The following REPS1 variants were observed in gnomAD, a reference collection of about 807,000 sequenced individuals.
The protein encoded by REPS1 is RALBP1 associated Eps domain containing 1.
Under a neutral mutation model 100.9 loss-of-function variants are expected in REPS1, and 39 were observed. That is an observed-to-expected ratio of 0.39 (90% CI 0.30 to 0.50). REPS1 has a LOEUF of 0.50. Among genes scored for constraint, REPS1 ranks in the 20% least tolerant of loss-of-function variants. REPS1 has a pLI of 0.86. For synonymous variants in REPS1, 324 were observed against 340.3 expected (o/e 0.95, Z 0.53); for missense variants, 821 against 968.5 (o/e 0.85, Z 2.02).
chr6:138,929,642 T>C lies in REPS1; in HGVS notation c.1257+335A>G, dbSNP rs545586775. ...ACAGTGGATGTGGCAGTTGACTAGA[T>C]ATCAAAGGACTTACGTTCAAATCCT... On this transcript the variant is annotated intron_variant, in intron 9 of 19. Coordinates refer to ENST00000450536, the MANE Select transcript of REPS1 (RefSeq NM_001286611.2). The C allele has an allele frequency of 2.7e-5, 5 of 185,502 alleles. No homozygotes were observed. In the East Asian group the frequency reaches 6.5e-4, roughly 24 times the overall value. 11.5% of individuals were successfully genotyped at this position (185,502 alleles called of 1,614,324 possible). A position where few individuals can be genotyped will look rare whatever the true frequency, so the allele number is the denominator to read the frequency against.
At chr6:138,984,857 T>C (rs557011925) in intron 1 of REPS1, among the ~76,000 whole-genome samples, 36 of 152,172 alleles carry the variant, frequency 2.4e-4, no homozygotes, top group Non-Finnish European at 4.4e-4. Context: ...TTAAACATTA[T>C]TCCACAAAGC....
chr6:138,912,700 G>GTTGACACAACATGGTA (rs1780087905), intron 16 of REPS1, 65 bp downstream of exon 16: 1 of 1,479,540 alleles, frequency 6.8e-7, no homozygotes, highest in Non-Finnish European at 9.5e-7. Context: ...TATCTGCTCT[G>GTTGACACAACATGGTA]TTGACACAAC....
intron 10 of REPS1, among the ~76,000 whole-genome samples, chr6:138,925,775 T>C (rs963082816): frequency 3.3e-5 from 5 of 152,086 alleles, no homozygotes; most frequent in African/African-American, 9.7e-5. Context: ...GTGTAGCATA[T>C]ATTAAATTAA....
At chr6:138,957,988 A>G (rs1326139860) in intron 1 of REPS1, among the ~76,000 whole-genome samples, 3 of 152,220 alleles carry the variant, frequency 2.0e-5, no homozygotes, top group African/African-American at 7.2e-5. Context: ...GAGTGGGAGA[A>G]GTATAAGAAA....
chr6:138,950,178 T>C (rs6570296), intron 1 of REPS1, among the ~76,000 whole-genome samples: 33,432 of 152,044 alleles, frequency 0.22, 4,233 homozygotes, highest in South Asian at 0.35. Flanking sequence ...TCCTCCTCAA[T>C]AGTTAACTAT....
chr6:138,965,542 G>A (rs138293333), intron 1 of REPS1, among the ~76,000 whole-genome samples: 23 of 152,170 alleles, frequency 1.5e-4, no homozygotes, highest in African/African-American at 5.1e-4. Context: ...GATCACTATC[G>A]TATACTTAGG....
intron 9 of REPS1, chr6:138,929,415 G>C (rs1480139357): frequency 6.6e-6 from 1 of 152,204 alleles, no homozygotes; most frequent in Non-Finnish European, 1.5e-5. Context: ...ACTGTGCTTG[G>C]TCATATATGA....
intron 2 of REPS1, 38 bp downstream of exon 2, chr6:138,947,752 C>T: frequency 6.9e-7 from 1 of 1,438,872 alleles, no homozygotes. Flanking sequence ...GTAATAGAAG[C>T]CTATTTTCTT....
At chr6:138,926,930 T>C (rs1216478291) in intron 9 of REPS1, 5 of 156,788 alleles carry the variant, frequency 3.2e-5, no homozygotes, top group African/African-American at 1.2e-4. Flanking sequence ...ACAAAGCAAG[T>C]CAGTGCGACT....
chr6:138,978,998 T>C (rs1412687248), intron 1 of REPS1, among the ~76,000 whole-genome samples: 2 of 151,874 alleles, frequency 1.3e-5, no homozygotes, highest in African/African-American at 4.8e-5. Context: ...CTGGCCAACA[T>C]GGTGAAACCC....
intron 1 of REPS1, among the ~76,000 whole-genome samples, chr6:138,968,552 C>T (rs1562562175): frequency 1.3e-5 from 2 of 152,092 alleles, no homozygotes; most frequent in Non-Finnish European, 2.9e-5. Flanking sequence ...CCTTGCATAC[C>T]ACCTTCACAA....
chr6:138,926,537 C>G, intron 9 of REPS1, 56 bp from the exon 10 acceptor site: 1 of 1,239,404 alleles, frequency 8.1e-7, no homozygotes, highest in Non-Finnish European at 1.2e-6. Flanking sequence ...AGTAAAAGAT[C>G]ACTGGAGAAG....
intron 8 of REPS1, among the ~76,000 whole-genome samples, chr6:138,937,927 T>G (rs1413187932): frequency 6.6e-6 from 1 of 152,014 alleles, no homozygotes; most frequent in Admixed American, 6.6e-5. Context: ...AAATTGCAAC[T>G]GTGCTTTGCA....
rs1170566689 is a variant in REPS1 at position 138,912,882 on chromosome 6, A to C, written c.1854T>G (p.Pro618=). The part of the protein sequence containing the change: ...DGLITHTSTS[P]QQIPEQPNFA... ...AATTTGGTTGCTCTGGTATCTGCTG[A>C]GGTGAGGTACTAGTGTGAGTTATGA... The change falls in exon 16 of 20, where the codon CCT becomes CCG. Residue 618 remains proline (P), a synonymous_variant. Coordinates refer to ENST00000450536, the MANE Select transcript of REPS1 (RefSeq NM_001286611.2). The C allele has an allele frequency of 6.2e-7, 1 of 1,614,120 alleles. No homozygotes were observed. The highest frequency in any genetic ancestry group is 8.5e-7 in the Non-Finnish European group (1 of 1,179,994).
intron 2 of REPS1, among the ~76,000 whole-genome samples, chr6:138,947,365 C>A (rs879797545): frequency 1.9e-4 from 29 of 151,966 alleles, no homozygotes; most frequent in Admixed American, 1.4e-3. Flanking sequence ...GAAGCCTCCA[C>A]AGCCTTCCCA....
At chr6:138,976,850 T>C (rs1032634386) in intron 1 of REPS1, among the ~76,000 whole-genome samples, 1 of 152,242 alleles carries the variant, frequency 6.6e-6, no homozygotes, top group African/African-American at 2.4e-5. Context: ...TCAGTTCTAA[T>C]GAATCTTGGA....
chr6:138,905,352 C>A (rs62440952), intron 19 of REPS1, among the ~76,000 whole-genome samples: 161 of 152,218 alleles, frequency 1.1e-3, no homozygotes, highest in African/African-American at 3.7e-3. Flanking sequence ...ACTGCAATGG[C>A]GCAATCTCGG....
chr6:138,916,019 C>T, intron 13 of REPS1, 43 bp from the exon 14 acceptor site: 1 of 1,399,450 alleles, frequency 7.1e-7, no homozygotes, highest in Non-Finnish European at 1.0e-6. Flanking sequence ...CTACTGATAT[C>T]AGAGCTTTTT....
At chr6:138,974,966 G>C (rs1246283451) in intron 1 of REPS1, among the ~76,000 whole-genome samples, 1 of 151,756 alleles carries the variant, frequency 6.6e-6, no homozygotes, top group East Asian at 1.9e-4. Context: ...CCACACTCCA[G>C]CCTGGGTGAC....
Sources: allele counts gnomAD v4.1 joint callset (sites outside exome capture counted in the v4.1 genomes callset), GRCh38; gene constraint gnomAD v4.1.1; transcripts MANE v1.5; gene names NCBI Gene and HGNC (gene_info 2026-07-23, HGNC 2026-07-21).